CYP27C1: variants seen among roughly 807,000 people sequenced by gnomAD.
CYP27C1 encodes cytochrome P450 27C1.
CYP27C1 carries 29 observed loss-of-function variants against 40.6 expected under a neutral mutation model. The observed-to-expected ratio is 0.71, with a 90% CI of 0.53 to 0.97. CYP27C1 has a LOEUF of 0.97. Among genes scored for constraint, CYP27C1 ranks in the 50% least tolerant of loss-of-function variants. The pLI, the probability that CYP27C1 is intolerant of heterozygous loss-of-function variation, is 0.00. For synonymous variants in CYP27C1, 198 were observed against 186.8 expected, an observed-to-expected ratio of 1.06 and a Z score of -0.49; for missense variants, 390 against 485.8, an observed-to-expected ratio of 0.80 and a Z score of 1.85.
chr2:127,195,192 G>T lies in CYP27C1; in HGVS notation c.1214+143C>A. 1 of 995,556 alleles carries T rather than the reference G, an allele frequency of 1.0e-6. No individual in the cohort carries two copies. Among genetic ancestry groups the T allele is most frequent in the Non-Finnish European group, 1.5e-6 (1 of 673,024 alleles). 61.7% of individuals were successfully genotyped at this position (995,556 alleles called of 1,614,324 possible). A position where few individuals can be genotyped will look rare whatever the true frequency, so the allele number is the denominator to read the frequency against. On this transcript the variant is annotated intron_variant, in intron 6 of 8. Coordinates refer to ENST00000664447, the MANE Select transcript of CYP27C1 (RefSeq NM_001367502.1). The surrounding 1 kb of genome is among the most constrained non-coding windows in gnomAD (Gnocchi z 6.2). ...AACAGAATGGTCTTTCTGCTATTCT[G>T]ACAAGAGCAGAGAAAAAATAACAGT...
In CYP27C1 at chr2:127,219,787, G is replaced by T. The variant is rs1353374306; in HGVS notation, c.282+202C>A. On this transcript the variant is annotated intron_variant, in intron 1 of 8. Coordinates refer to ENST00000664447, the MANE Select transcript of CYP27C1 (RefSeq NM_001367502.1). This position sits in a 1 kb window ranked among gnomAD's most constrained non-coding sequence, Gnocchi z 8.7. ...GCCTTTCCGGCGTCCTCTCCCCAGCGCCCCTTCCTGCGAACCTTAACCGGA... is the reference window on the plus strand; with the variant it reads ...GCCTTTCCGGCGTCCTCTCCCCAGCTCCCCTTCCTGCGAACCTTAACCGGA... Among the ~76,000 whole-genome samples the T allele has an allele frequency of 7.3e-6, 1 of 137,792 alleles. No individual in the cohort carries two copies. The highest frequency in any genetic ancestry group is 2.8e-5 in the African/African-American group (1 of 36,134). The allele number at this position is 137,792 out of a possible 152,430, so 90.4% of individuals were successfully genotyped here.
Position 127,203,558 on chromosome 2 carries a change from A to T in CYP27C1, c.487T>A (p.Trp163Arg). ...CTCAATACGCTTCTCATCTTGAGCC[A>T]CTGTTCACCCTCCCTAGAAGAATCA... ...TGLISAEGEQWLKMRSVLRQR... is the reference protein window; with the variant it reads ...TGLISAEGEQRLKMRSVLRQR... The change falls in exon 3 of 9, where the codon TGG becomes AGG. Residue 163 changes from tryptophan to arginine, a missense_variant. Coordinates refer to ENST00000664447, the MANE Select transcript of CYP27C1 (RefSeq NM_001367502.1). 6.2e-7 allele frequency: 1 copy of T among 1,613,652 alleles called. No individual in the cohort carries two copies. Among genetic ancestry groups the T allele is most frequent in the Non-Finnish European group, 8.5e-7 (1 of 1,179,948 alleles).
At chr2:127,211,681 G>A (rs1027520402) in intron 1 of CYP27C1, among the ~76,000 whole-genome samples, 9 of 151,892 alleles carry the variant, frequency 5.9e-5, no homozygotes, top group Admixed American at 1.3e-4. Flanking sequence ...CACTGCGCCC[G>A]GCCTAAAGCA....
chr2:127,212,353 G>A (rs1683356100), intron 1 of CYP27C1, among the ~76,000 whole-genome samples: 1 of 152,174 alleles, frequency 6.6e-6, no homozygotes, highest in Non-Finnish European at 1.5e-5. Context: ...AAACCAGGAA[G>A]AGACAGAATA....
In CYP27C1 at chr2:127,208,908, A is replaced by T. The variant is rs551431355; in HGVS notation, c.283-2818T>A. 6.6e-6 allele frequency among the ~76,000 whole-genome samples: 1 copy of T among 152,176 alleles called. No homozygotes were observed. Among genetic ancestry groups the T allele is most frequent in the African/African-American group, 2.4e-5 (1 of 41,454 alleles). ...GGCCACAGTCTCTGCGGACCAGCAG[A>T]TTTAGCCTCTTCTCCTGGTAGTTCT... On this transcript the variant is annotated intron_variant, in intron 1 of 8. Coordinates refer to ENST00000664447, the MANE Select transcript of CYP27C1 (RefSeq NM_001367502.1). The surrounding 1 kb of genome is among the most constrained non-coding windows in gnomAD (Gnocchi z 5.2).
chr2:127,189,944 G>C (rs1309246370), intron 8 of CYP27C1, among the ~76,000 whole-genome samples: 1 of 152,214 alleles, frequency 6.6e-6, no homozygotes, highest in East Asian at 1.9e-4. Flanking sequence ...TTCCAGGTTT[G>C]AATATCAAGG....
intron 6 of CYP27C1, among the ~76,000 whole-genome samples, chr2:127,194,129 T>C (rs1222048505): frequency 1.3e-5 from 2 of 152,202 alleles, no homozygotes; most frequent in African/African-American, 4.8e-5. Flanking sequence ...TCACATGCCA[T>C]TGTGTTCCCA....
In CYP27C1 at chr2:127,195,244, C is replaced by A; in HGVS notation, c.1214+91G>T. ...ACGAACATCCTCATCCTGAACAGGT[C>A]AGCCGGGGGGGCATTTGGAGGACTT... is the stretch of plus-strand genomic sequence containing the variant. On this transcript the variant is annotated intron_variant, in intron 6 of 8. Transcript: ENST00000664447. This position sits in a 1 kb window ranked among gnomAD's most constrained non-coding sequence, Gnocchi z 6.2. 4 of 1,535,766 alleles carry A rather than the reference C, an allele frequency of 2.6e-6. No homozygotes were observed. The highest frequency in any genetic ancestry group is 3.6e-6 in the Non-Finnish European group (4 of 1,122,396).
intron 4 of CYP27C1, 113 bp from the exon 5 acceptor site, chr2:127,199,652 G>T: frequency 1.7e-6 from 2 of 1,191,992 alleles, no homozygotes; most frequent in Non-Finnish European, 2.3e-6. Context: ...AGGTGACAGA[G>T]GGTAAGGAAA....
chr2:127,198,269 T>G (rs1682952214), intron 5 of CYP27C1, among the ~76,000 whole-genome samples: 3 of 151,946 alleles, frequency 2.0e-5, no homozygotes, highest in Non-Finnish European at 2.9e-5. Context: ...CTTTAGCAGG[T>G]TTTGGTTTTG....
At position 127,213,665 on chromosome 2, in the gene CYP27C1, G is replaced by A. The variant is rs539182671; in HGVS notation, c.282+6324C>T. Among the ~76,000 whole-genome samples, 19 of 152,048 alleles carry A rather than the reference G, an allele frequency of 1.2e-4. No homozygotes were observed. In the South Asian group the frequency reaches 1.7e-3, roughly 13 times the overall value. ...CCTTACACCTTATACAAAAATTAACGCAAGATGAATTAAAGACTTAAATGT... is the reference window on the plus strand; with the variant it reads ...CCTTACACCTTATACAAAAATTAACACAAGATGAATTAAAGACTTAAATGT... On this transcript the variant is annotated intron_variant, in intron 1 of 8. Transcript: ENST00000664447.
At position 127,200,489 on chromosome 2, in the gene CYP27C1, C is replaced by T. The variant is rs1004569811; in HGVS notation, c.883+633G>A. On this transcript the variant is annotated intron_variant, in intron 4 of 8. Transcript: ENST00000664447. The surrounding 1 kb of genome is among the most constrained non-coding windows in gnomAD (Gnocchi z 4.2). Reference sequence around the variant, plus strand: ...TCACATTCAAATGAATGTGCGTGGACCTGAAACTCTACATTTTAAGCACTG... The same window carrying T: ...TCACATTCAAATGAATGTGCGTGGATCTGAAACTCTACATTTTAAGCACTG... Among the ~76,000 whole-genome samples the T allele has an allele frequency of 6.6e-5, 10 of 152,134 alleles. No individual in the cohort carries two copies. Among genetic ancestry groups the T allele is most frequent in the Non-Finnish European group, 1.3e-4 (9 of 68,026 alleles).
intron 1 of CYP27C1, among the ~76,000 whole-genome samples, chr2:127,217,007 T>C (rs1370552800): frequency 6.6e-6 from 1 of 152,150 alleles, no homozygotes; most frequent in Admixed American, 6.6e-5. Flanking sequence ...AACAAATAAG[T>C]GGCCCCCAAA....
In CYP27C1 at chr2:127,209,564, C is replaced by T. The variant is rs1022292587; in HGVS notation, c.283-3474G>A. 1.5e-4 allele frequency among the ~76,000 whole-genome samples: 23 copies of T among 152,106 alleles called. No homozygotes were observed. The highest frequency in any genetic ancestry group is 4.8e-4 in the African/African-American group (20 of 41,428). On this transcript the variant is annotated intron_variant, in intron 1 of 8. Coordinates refer to ENST00000664447, the MANE Select transcript of CYP27C1 (RefSeq NM_001367502.1). This position sits in a 1 kb window ranked among gnomAD's most constrained non-coding sequence, Gnocchi z 4.1. ...TCAGAAGATGGGTAATAAAAAACTG[C>T]GATGACCTAAAGGAGCATGTTCTAA...
chr2:127,216,267 C>T lies in CYP27C1; in HGVS notation c.282+3722G>A, dbSNP rs111337244. On this transcript the variant is annotated intron_variant, in intron 1 of 8. Transcript: ENST00000664447. ...AAATTCACAGCAGCATTATTCATTA[C>T]GGCTAAAAGGTGGAAACAATCCAAA... Among the ~76,000 whole-genome samples, 16 of 152,260 alleles carry T rather than the reference C, an allele frequency of 1.1e-4. 1 individual carries two copies. Among genetic ancestry groups the T allele is most frequent in the African/African-American group, 2.9e-4 (12 of 41,544 alleles).
intron 2 of CYP27C1, among the ~76,000 whole-genome samples, chr2:127,204,452 G>GA (rs70985437): frequency 0.1 from 3,347 of 32,410 alleles, 305 homozygotes; most frequent in East Asian, 0.43. Flanking sequence ...AAGAAAGAAA[G>GA]AAAGAAAGAA....
intron 1 of CYP27C1, among the ~76,000 whole-genome samples, chr2:127,214,878 C>T (rs1683400676): frequency 6.7e-6 from 1 of 148,924 alleles, no homozygotes; most frequent in African/African-American, 2.5e-5. Context: ...CCTGTAATCC[C>T]AGCACTCTGG....
In CYP27C1 at chr2:127,215,053, C is replaced by T. The variant is rs1462201981; in HGVS notation, c.282+4936G>A. On this transcript the variant is annotated intron_variant, in intron 1 of 8. Coordinates refer to ENST00000664447, the MANE Select transcript of CYP27C1 (RefSeq NM_001367502.1). ...CTGAGGCAGGAGAACGGCGTGAACC[C>T]GGGAGGCGGAGCTTGCAGTGAGCTG... 4.0e-5 allele frequency among the ~76,000 whole-genome samples: 6 copies of T among 150,290 alleles called. No individual in the cohort carries two copies. The East Asian group carries it at 7.8e-4, about 20-fold the overall frequency.
At position 127,215,739 on chromosome 2, in the gene CYP27C1, G is replaced by A. The variant is rs187739251; in HGVS notation, c.282+4250C>T. Among the ~76,000 whole-genome samples the A allele has an allele frequency of 3.0e-3, 458 of 151,802 alleles. 3 individuals carry two copies. Among genetic ancestry groups the A allele is most frequent in the African/African-American group, 0.011 (436 of 41,380 alleles). ...AAAATAAAAAGCAAAAACAACCTTCGGATGGAGAAAATATTTGCAAAGCAC... is the reference window on the plus strand; with the variant it reads ...AAAATAAAAAGCAAAAACAACCTTCAGATGGAGAAAATATTTGCAAAGCAC... On this transcript the variant is annotated intron_variant, in intron 1 of 8. Coordinates refer to ENST00000664447, the MANE Select transcript of CYP27C1 (RefSeq NM_001367502.1).
Sources: allele counts gnomAD v4.1 joint callset (sites outside exome capture counted in the v4.1 genomes callset), GRCh38; gene constraint gnomAD v4.1.1; non-coding constraint Gnocchi (gnomAD v3.1); transcripts MANE v1.5; gene names NCBI Gene and HGNC (gene_info 2026-07-23, HGNC 2026-07-21).